CNTNAP4: variants seen among roughly 807,000 people sequenced by gnomAD.
CNTNAP4 encodes the protein contactin-associated protein-like 4.
Under a neutral mutation model 148.4 loss-of-function variants are expected in CNTNAP4, and 98 were observed. That is an observed-to-expected ratio of 0.66 (90% confidence interval 0.56 to 0.78). The LOEUF is 0.78. Among genes scored for constraint, CNTNAP4 ranks in the 30% least tolerant of loss-of-function variants. CNTNAP4 has a pLI of 0.00. For synonymous variants in CNTNAP4, 730 were observed against 565.1 expected (o/e 1.29, Z -4.14); for missense variants, 1,935 against 1,565.6 (o/e 1.24, Z -3.98).
intron 2 of CNTNAP4, among the ~76,000 whole-genome samples, chr16:76,336,305 A>G (rs1964019053): frequency 6.6e-6 from 1 of 152,238 alleles, no homozygotes; most frequent in Non-Finnish European, 1.5e-5. Context: ...AGATATGTAC[A>G]GTAATCTGCT....
rs565162246 is a variant in CNTNAP4 at position 76,467,763 on chromosome 16, C to G, written c.1655+240C>G. On this transcript the variant is annotated intron_variant, in intron 10 of 23. Coordinates refer to ENST00000611870, the MANE Select transcript of CNTNAP4 (RefSeq NM_033401.5). Reference sequence around the variant, plus strand: ...TATGGCCACGTATGTACACATGCTACCAGTTCGCCAAAGATAATGTTGATG... The same window carrying G: ...TATGGCCACGTATGTACACATGCTAGCAGTTCGCCAAAGATAATGTTGATG... 1.4e-4 allele frequency among the ~76,000 whole-genome samples: 21 copies of G among 152,256 alleles called. No individual in the cohort carries two copies. The East Asian group carries it at 2.9e-3, about 21-fold the overall frequency.
At chr16:76,535,000 C>T (rs571262193) in intron 17 of CNTNAP4, among the ~76,000 whole-genome samples, 1 of 152,254 alleles carries the variant, frequency 6.6e-6, no homozygotes, top group Non-Finnish European at 1.5e-5. Flanking sequence ...GAAAAACAAT[C>T]ACTGGGAAAT....
rs140389241 is a variant in CNTNAP4 at position 76,496,155 on chromosome 16, G to C, written c.2237+1089G>C. On this transcript the variant is annotated intron_variant, in intron 14 of 23. Transcript: ENST00000611870. ...ACTTACTTTTAGTGTTACATGTTTG[G>C]TATGAAGAATATTGTCTCTCTTACT... is the stretch of plus-strand genomic sequence containing the variant. Among the ~76,000 whole-genome samples the C allele has an allele frequency of 2.6e-4, 39 of 150,172 alleles. No homozygotes were observed. The East Asian group carries it at 7.7e-3, about 30-fold the overall frequency.
In CNTNAP4 at chr16:76,415,252, A is replaced by G. The variant is rs1040190998; in HGVS notation, c.391-12200A>G. Among the ~76,000 whole-genome samples, 5 of 151,242 alleles carry G rather than the reference A, an allele frequency of 3.3e-5. No homozygotes were observed. The South Asian group carries it at 1.0e-3, about 31-fold the overall frequency. ...TGTTTCCTCATTTATACATCTTCTTACTACTTCCCTGCTTAGATTATTTTA... is the reference window on the plus strand; with the variant it reads ...TGTTTCCTCATTTATACATCTTCTTGCTACTTCCCTGCTTAGATTATTTTA... On this transcript the variant is annotated intron_variant, in intron 3 of 23. Transcript: ENST00000611870.
rs763171648 is a variant in CNTNAP4 at position 76,421,922 on chromosome 16, G to GCC, written c.391-5530_391-5529insCC. Among the ~76,000 whole-genome samples the GCC allele has an allele frequency of 1.1e-3, 173 of 152,258 alleles. 2 individuals are homozygous for GCC. In the East Asian group the frequency reaches 0.026, roughly 23 times the overall value. On this transcript the variant is annotated intron_variant, in intron 3 of 23. Coordinates refer to ENST00000611870, the MANE Select transcript of CNTNAP4 (RefSeq NM_033401.5). ...TATGTGTAACGGGTCCCATGTTTCT[G>GCC]ATTTATAACAGTGACGTTTTAGAGC... is the stretch of plus-strand genomic sequence containing the variant.
intron 3 of CNTNAP4, among the ~76,000 whole-genome samples, chr16:76,381,994 G>C (rs945695934): frequency 3.3e-5 from 5 of 149,786 alleles, no homozygotes; most frequent in African/African-American, 1.2e-4. Flanking sequence ...CCAGGAGGCG[G>C]AGCTTGCAGT....
intron 1 of CNTNAP4, among the ~76,000 whole-genome samples, chr16:76,295,458 A>C (rs188979320): frequency 6.6e-6 from 1 of 152,290 alleles, no homozygotes; most frequent in Admixed American, 6.5e-5. Context: ...TATAAACTTA[A>C]AATTCTCAGG....
intron 3 of CNTNAP4, among the ~76,000 whole-genome samples, chr16:76,389,810 T>A (rs2016816635): frequency 6.6e-6 from 1 of 152,124 alleles, no homozygotes; most frequent in African/African-American, 2.4e-5. Context: ...AGTGGCCTAT[T>A]CTGTCCTCAG....
intron 8 of CNTNAP4, among the ~76,000 whole-genome samples, chr16:76,455,764 T>A (rs979126531): frequency 1.3e-5 from 2 of 152,236 alleles, no homozygotes; most frequent in African/African-American, 4.8e-5. Context: ...AATTGCCTTT[T>A]GCACCTTTGC....
intron 20 of CNTNAP4, 34 bp downstream of exon 20, chr16:76,539,886 T>G: frequency 6.7e-7 from 1 of 1,496,186 alleles, no homozygotes; most frequent in Non-Finnish European, 9.0e-7. Context: ...GCAATCATTT[T>G]AATGACTCTC....
At chr16:76,308,035 T>C (rs942722479) in intron 1 of CNTNAP4, among the ~76,000 whole-genome samples, 2 of 152,230 alleles carry the variant, frequency 1.3e-5, no homozygotes, top group African/African-American at 4.8e-5. Flanking sequence ...TCTAAATGAA[T>C]TACTTGACAA....
chr16:76,496,336 C>T (rs150359812), intron 14 of CNTNAP4, among the ~76,000 whole-genome samples: 8 of 152,126 alleles, frequency 5.3e-5, no homozygotes, highest in African/African-American at 1.7e-4. Context: ...ACCTAATCAT[C>T]AATAACTCTC....
intron 12 of CNTNAP4, among the ~76,000 whole-genome samples, chr16:76,482,515 C>T (rs540787735): frequency 2.0e-5 from 3 of 151,446 alleles, no homozygotes; most frequent in Non-Finnish European, 2.9e-5. Context: ...TGGGAGCAAC[C>T]GCTTCTTTAT....
intron 17 of CNTNAP4, among the ~76,000 whole-genome samples, chr16:76,533,948 G>A (rs934567045): frequency 6.6e-6 from 1 of 152,182 alleles, no homozygotes; most frequent in African/African-American, 2.4e-5. Context: ...TTTGGATATA[G>A]TTATAGCTAT....
intron 4 of CNTNAP4, among the ~76,000 whole-genome samples, chr16:76,433,058 G>A (rs144528496): frequency 1.8e-3 from 274 of 152,134 alleles, no homozygotes; most frequent in African/African-American, 6.3e-3. Context: ...TTCAAATCTG[G>A]GAATGTTTCC....
chr16:76,551,891 A>G (rs2084966067), intron 21 of CNTNAP4, among the ~76,000 whole-genome samples: 3 of 152,154 alleles, frequency 2.0e-5, no homozygotes, highest in Non-Finnish European at 2.9e-5. Flanking sequence ...ACTAAAGTGC[A>G]CATTTTGTCT....
At chr16:76,304,840 A>G (rs773233209) in intron 1 of CNTNAP4, among the ~76,000 whole-genome samples, 2 of 152,212 alleles carry the variant, frequency 1.3e-5, no homozygotes, top group Non-Finnish European at 2.9e-5. Flanking sequence ...GAGGATGTCC[A>G]TATCTTAATC....
In CNTNAP4 at chr16:76,540,708, C is replaced by T. The variant is rs143123462; in HGVS notation, c.3360C>T (p.Asp1120=). 60 of 1,560,664 alleles carry T rather than the reference C, an allele frequency of 3.8e-5. No homozygotes were observed. In the African/African-American group the frequency reaches 5.0e-4, roughly 13 times the overall value. ...REEGVVFIEI[D]DNRRRQVHLS... ...CTTGTGTAATAATTTTGTAGATTGACGATAATAGAAGGAGACAAGTTCACC... is the reference window on the plus strand; with the variant it reads ...CTTGTGTAATAATTTTGTAGATTGATGATAATAGAAGGAGACAAGTTCACC... Residue 1120 remains aspartate, a synonymous_variant, in exon 21 of 24, where the codon GAC becomes GAT. Transcript: ENST00000611870.
At chr16:76,316,718 G>A (rs546579351) in intron 2 of CNTNAP4, among the ~76,000 whole-genome samples, 195 bp downstream of exon 2, 17 of 152,142 alleles carry the variant, frequency 1.1e-4, no homozygotes, top group Non-Finnish European at 1.9e-4. Flanking sequence ...CCTATATTAC[G>A]AAGAATTGAG....
Sources: allele counts gnomAD v4.1 joint callset (sites outside exome capture counted in the v4.1 genomes callset), GRCh38; gene constraint gnomAD v4.1.1; transcripts MANE v1.5; gene names NCBI Gene and HGNC (gene_info 2026-07-23, HGNC 2026-07-21).